ANO3: variants seen among roughly 807,000 people sequenced by gnomAD.
The protein encoded by ANO3 is anoctamin 3.
In ANO3, 99 loss-of-function variants were observed where a neutral mutation model predicts 144.8. That is an observed-to-expected ratio of 0.68 (90% CI 0.58 to 0.81). The LOEUF is 0.81. Among genes scored for constraint, ANO3 ranks in the 30% least tolerant of loss-of-function variants. The pLI, the probability that ANO3 is intolerant of heterozygous loss-of-function variation, is 0.00. For synonymous variants in ANO3, 414 were observed against 392.6 expected, an observed-to-expected ratio of 1.05 and a Z score of -0.64; for missense variants, 905 against 1,202.2, an observed-to-expected ratio of 0.75 and a Z score of 3.66.
chr11:26,619,223 A>G (rs1207603848), intron 17 of ANO3, among the ~76,000 whole-genome samples: 1 of 152,170 alleles, frequency 6.6e-6, no homozygotes, highest in African/African-American at 2.4e-5. Flanking sequence ...AGTTTGCAGC[A>G]CTTATTTTAA....
chr11:26,546,749 C>T (rs1023424019), intron 11 of ANO3, among the ~76,000 whole-genome samples: 2 of 151,976 alleles, frequency 1.3e-5, no homozygotes, highest in Non-Finnish European at 2.9e-5. Context: ...CTCTTAGCAT[C>T]CTTCGATACT....
At chr11:26,474,159 TCTATA>T (rs1226416226) in intron 4 of ANO3, 2 of 937,966 alleles carry the variant, frequency 2.1e-6, no homozygotes, top group East Asian at 2.3e-4. Flanking sequence ...ATCTAGGAAT[TCTATA>T]CTATTTTTCT....
chr11:26,570,950 AT>A (rs1850799752), intron 14 of ANO3, among the ~76,000 whole-genome samples: 1 of 152,136 alleles, frequency 6.6e-6, no homozygotes, highest in African/African-American at 2.4e-5. Context: ...TAGGCCTCTC[AT>A]TTTACTTTTA....
Position 26,647,652 on chromosome 11 carries a change from T to C in ANO3, c.2429-57T>C. On this transcript the variant is annotated intron_variant, in intron 23 of 26. Transcript: ENST00000256737. ...ACATTATTTCCAAAATAAGATTAAT[T>C]ACAGGGTTTTCATATTCTTCATTTT... is the stretch of plus-strand genomic sequence containing the variant. 11 of 1,496,438 alleles carry C rather than the reference T, an allele frequency of 7.4e-6. No homozygotes were observed. In the South Asian group the frequency reaches 1.4e-4, roughly 19 times the overall value. 92.7% of individuals were successfully genotyped at this position (1,496,438 alleles called of 1,614,324 possible).
chr11:26,211,774 C>T (rs1033513712), intron 1 of ANO3, among the ~76,000 whole-genome samples: 15 of 152,064 alleles, frequency 9.9e-5, no homozygotes, highest in African/African-American at 1.4e-4. Context: ...TTGTTTATTG[C>T]GGCACTATTC....
intron 1 of ANO3, among the ~76,000 whole-genome samples, chr11:26,429,162 G>T (rs191133098): frequency 1.3e-5 from 2 of 152,244 alleles, no homozygotes; most frequent in South Asian, 4.1e-4. Flanking sequence ...TACCCCAGGT[G>T]GGGGTAGGGG....
chr11:26,302,186 T>C (rs1854249226), intron 1 of ANO3, among the ~76,000 whole-genome samples: 2 of 152,052 alleles, frequency 1.3e-5, no homozygotes, highest in Non-Finnish European at 2.9e-5. Context: ...AAGTGGTTAG[T>C]GTATGAGAGT....
intron 1 of ANO3, among the ~76,000 whole-genome samples, chr11:26,294,558 C>G (rs1361713104): frequency 2.0e-5 from 3 of 152,060 alleles, no homozygotes; most frequent in Admixed American, 2.0e-4. Context: ...TTACTGCTCT[C>G]CAAGTGAAGA....
intron 1 of ANO3, among the ~76,000 whole-genome samples, chr11:26,196,742 T>C (rs763520943): frequency 2.6e-5 from 4 of 152,174 alleles, no homozygotes; most frequent in Non-Finnish European, 5.9e-5. Flanking sequence ...ATTAACTTCA[T>C]AAAATACATA....
intron 7 of ANO3, among the ~76,000 whole-genome samples, chr11:26,528,298 G>T (rs927216313): frequency 6.6e-6 from 1 of 152,086 alleles, no homozygotes; most frequent in African/African-American, 2.4e-5. Context: ...GAGGGCCCAA[G>T]AAATTAATAA....
intron 1 of ANO3, among the ~76,000 whole-genome samples, chr11:26,198,031 T>C (rs143724971): frequency 1.0e-3 from 159 of 152,222 alleles, no homozygotes; most frequent in African/African-American, 3.6e-3. Context: ...CCATCAAAAA[T>C]GGTGGTGAGT....
intron 1 of ANO3, among the ~76,000 whole-genome samples, chr11:26,208,626 C>T (rs1851867554): frequency 6.6e-6 from 1 of 152,040 alleles, no homozygotes; most frequent in African/African-American, 2.4e-5. Context: ...CCAAAGATAG[C>T]CACACTCTGT....
chr11:26,559,569 C>A, intron 13 of ANO3, 150 bp from the exon 14 acceptor site: 1 of 602,576 alleles, frequency 1.7e-6, no homozygotes, highest in Non-Finnish European at 2.9e-6. Context: ...GTTGCAAGAC[C>A]CATGAAAGGA....
chr11:26,462,516 A>G (rs1859442122), intron 3 of ANO3, among the ~76,000 whole-genome samples: 1 of 151,700 alleles, frequency 6.6e-6, no homozygotes, highest in African/African-American at 2.4e-5. Flanking sequence ...CTTTCCTGAC[A>G]GTTGTTTCAA....
intron 1 of ANO3, among the ~76,000 whole-genome samples, chr11:26,239,230 A>T (rs1350033586): frequency 6.6e-6 from 1 of 152,128 alleles, no homozygotes; most frequent in Non-Finnish European, 1.5e-5. Flanking sequence ...TACTCCAAAA[A>T]CATTATCATT....
At chr11:26,400,564 A>G (rs1416403263) in intron 1 of ANO3, among the ~76,000 whole-genome samples, 2 of 152,072 alleles carry the variant, frequency 1.3e-5, no homozygotes, top group Admixed American at 1.3e-4. Flanking sequence ...ACATTAACAT[A>G]ATGTATCTGT....
upstream of ANO3, among the ~76,000 whole-genome samples, chr11:26,307,285 C>T (rs909804531): frequency 5.3e-5 from 8 of 152,128 alleles, no homozygotes; most frequent in Middle Eastern, 3.4e-3. Context: ...ACCCAGGAGA[C>T]GGAGGTTGCA....
At chr11:26,311,067 G>A (rs1854491705) in intron 1 of ANO3, among the ~76,000 whole-genome samples, 1 of 152,126 alleles carries the variant, frequency 6.6e-6, no homozygotes, top group Admixed American at 6.6e-5. Context: ...AAGAAAGGTG[G>A]TTTACGGAAT....
intron 1 of ANO3, among the ~76,000 whole-genome samples, chr11:26,301,864 AGAGT>A (rs1299194000): frequency 1.3e-5 from 2 of 152,226 alleles, no homozygotes; most frequent in Non-Finnish European, 2.9e-5. Flanking sequence ...GCTCAAAGTG[AGAGT>A]GAGATAGACC....
Sources: gnomAD v4.1 joint callset for allele counts (sites outside exome capture counted in the v4.1 genomes callset) on GRCh38, gnomAD v4.1.1 for gene constraint, MANE v1.5 for transcripts, NCBI Gene and HGNC (gene_info 2026-07-23, HGNC 2026-07-21) for gene names.